FAM193A: variants seen among roughly 807,000 people sequenced by gnomAD.
FAM193A encodes protein FAM193A.
In FAM193A, 22 loss-of-function variants were observed where a neutral mutation model predicts 126.5. The ratio of observed to expected loss-of-function variants is 0.17; its 90% CI spans 0.12 to 0.25. FAM193A has a LOEUF of 0.25. Among genes scored for constraint, FAM193A ranks in the 10% least tolerant of loss-of-function variants. FAM193A has a pLI of 1.00. For synonymous variants in FAM193A, 761 were observed against 646.8 expected, an observed-to-expected ratio of 1.18 and a Z score of -2.68; for missense variants, 1,675 against 1,672.8, an observed-to-expected ratio of 1.00 and a Z score of -0.02.
At chr4:2,639,642 A>C in intron 5 of FAM193A, 93 bp from the exon 6 acceptor site, 2 of 866,490 alleles carry the variant, frequency 2.3e-6, no homozygotes, top group Non-Finnish European at 3.4e-6. Flanking sequence ...TGGTGGGGGG[A>C]AATGGGGAGG....
intron 13 of FAM193A, among the ~76,000 whole-genome samples, chr4:2,682,352 T>C (rs901759742): frequency 6.6e-6 from 1 of 152,106 alleles, no homozygotes; most frequent in African/African-American, 2.4e-5. Flanking sequence ...TTTTTAGAGA[T>C]GGACTCTTGC....
chr4:2,672,240 G>A lies in FAM193A; in HGVS notation c.2199G>A (p.Glu733=). 6.2e-7 allele frequency: 1 copy of A among 1,614,198 alleles called. No homozygotes were observed. Among genetic ancestry groups the A allele is most frequent in the Non-Finnish European group, 8.5e-7 (1 of 1,180,038 alleles). The change falls in exon 13 of 21, where the codon GAG becomes GAA. Residue 733 remains glutamate, a synonymous_variant. Transcript: ENST00000637812. ...LPPGHQFLSP[E]KPTHPALHLY... is the part of the protein sequence containing the mutation. ...CTGGCCATCAGTTCTTGAGCCCAGA[G>A]AAGCCCACACACCCTGCACTGCACC... is the stretch of plus-strand genomic sequence containing the variant.
intron 19 of FAM193A, among the ~76,000 whole-genome samples, chr4:2,707,204 T>C (rs938374633): frequency 6.6e-6 from 1 of 152,224 alleles, no homozygotes; most frequent in East Asian, 1.9e-4. Context: ...TTGATGTCTT[T>C]ATGATATTGA....
chr4:2,670,797 AT>A (rs1330166182), intron 12 of FAM193A, among the ~76,000 whole-genome samples: 2 of 151,870 alleles, frequency 1.3e-5, no homozygotes, highest in Admixed American at 1.3e-4. Context: ...TTGTCTCATA[AT>A]TTTTTGTTGA....
chr4:2,566,461 G>A (rs992542402), intron 1 of FAM193A, among the ~76,000 whole-genome samples: 9 of 152,216 alleles, frequency 5.9e-5, no homozygotes, highest in East Asian at 3.9e-4. Flanking sequence ...AGGATGAGGC[G>A]GACGGATCAC....
chr4:2,619,180 T>C (rs1742387864), intron 2 of FAM193A, among the ~76,000 whole-genome samples: 1 of 152,224 alleles, frequency 6.6e-6, no homozygotes, highest in South Asian at 2.1e-4. Context: ...CATCTTCAGT[T>C]TCTCTTCCCA....
At chr4:2,700,579 G>A (rs1717605487) in intron 19 of FAM193A, 35 bp downstream of exon 19, 18 of 1,580,552 alleles carry the variant, frequency 1.1e-5, no homozygotes, top group East Asian at 2.2e-5. Context: ...ATTTCTGAGC[G>A]ATGCCTGGTT....
At chr4:2,662,791 C>T in intron 10 of FAM193A, 47 bp from the exon 11 acceptor site, 1 of 1,517,934 alleles carries the variant, frequency 6.6e-7, no homozygotes, top group Non-Finnish European at 9.1e-7. Context: ...TACTCATTGT[C>T]TTTCACAATT....
rs781681614 is a variant in FAM193A at position 2,690,714 on chromosome 4, G to A, written c.2547G>A (p.Gly849=). Residue 849 remains glycine, a synonymous_variant, in exon 15 of 21, where the codon GGG becomes GGA. Transcript: ENST00000637812. ...PDTISGSEIL[G]PTLSETRPEA... ...TCTTTGAAGGGAGTGAAATATTAGG[G>A]CCAACACTCTCAGAAACAAGACCGG... The A allele has an allele frequency of 1.9e-6, 3 of 1,613,226 alleles. No individual in the cohort carries two copies. The highest frequency in any genetic ancestry group is 2.2e-5 in the East Asian group (1 of 44,880).
Position 2,659,980 on chromosome 4 carries a change from C to G in FAM193A, c.1671C>G (p.Ser557=). The G allele has an allele frequency of 1.2e-6, 2 of 1,614,102 alleles. No homozygotes were observed. The highest frequency in any genetic ancestry group is 2.2e-5 in the South Asian group (2 of 91,080). The stretch of plus-strand genomic sequence containing the variant: ...GTGTGTCATCTGCAAGCTCGGGGTC[C>G]GGCTCCAGCTCTCCCATCACAATTC... The part of the protein sequence containing the change: ...PPSVSSASSG[S]GSSSPITIQQ... The change falls in exon 10 of 21, where the codon TCC becomes TCG. Residue 557 remains serine (S), a synonymous_variant. Coordinates refer to ENST00000637812, the MANE Select transcript of FAM193A (RefSeq NM_001366318.2).
In FAM193A at chr4:2,695,126, CG is replaced by C; in HGVS notation, c.3276+1del. ...GCTACTGCGAATTCTTTGGGCACGG[CG>C]GGGTGAGTGCATGAGGTCAGCGCAT... Reference protein sequence around the residue: ...CCYCEFFGHGGPPAAPTSRNY... With the variant: ...CCYCEFFGHGXPPAAPTSRNY... On this transcript the variant is annotated frameshift_variant and splice_region_variant, in exon 17 of 21. Transcript: ENST00000637812. LOFTEE classifies it high-confidence loss of function. 1 of 1,594,870 alleles carries C rather than the reference CG, an allele frequency of 6.3e-7. No homozygotes were observed. Among genetic ancestry groups the C allele is most frequent in the Non-Finnish European group, 8.5e-7 (1 of 1,169,924 alleles).
intron 20 of FAM193A, chr4:2,719,956 A>AT (rs758113607): frequency 8.4e-3 from 2,423 of 286,850 alleles, no homozygotes; most frequent in South Asian, 0.015. Context: ...TGCCTGGCTA[A>AT]TTTTTTTTTT....
intron 1 of FAM193A, among the ~76,000 whole-genome samples, chr4:2,590,480 A>AC (rs1560464500): frequency 5.5e-5 from 5 of 90,298 alleles, no homozygotes; most frequent in African/African-American, 3.7e-4. Context: ...AAAAAACAAA[A>AC]AAAAACAAAA....
intron 7 of FAM193A, chr4:2,654,938 T>C (rs941076318): frequency 6.1e-6 from 3 of 491,066 alleles, no homozygotes; most frequent in East Asian, 6.1e-5. Flanking sequence ...CATTAACTCT[T>C]GTAGTTTTTG....
chr4:2,686,752 A>C (rs778593767), intron 13 of FAM193A, among the ~76,000 whole-genome samples: 1 of 152,132 alleles, frequency 6.6e-6, no homozygotes, highest in Non-Finnish European at 1.5e-5. Flanking sequence ...GTCATGGTTT[A>C]CCAGCTGGGC....
intron 11 of FAM193A, 47 bp from the exon 12 acceptor site, chr4:2,663,062 A>G: frequency 6.3e-7 from 1 of 1,599,738 alleles, no homozygotes; most frequent in East Asian, 2.2e-5. Flanking sequence ...AATATTTTAT[A>G]TTACTCTGTT....
chr4:2,682,793 A>AT, intron 13 of FAM193A, among the ~76,000 whole-genome samples: 1 of 151,782 alleles, frequency 6.6e-6, no homozygotes, highest in East Asian at 1.9e-4. Flanking sequence ...ACCCTTCCCT[A>AT]TTCCCTGTGA....
intron 12 of FAM193A, among the ~76,000 whole-genome samples, chr4:2,664,753 C>T (rs972237742): frequency 4.0e-5 from 6 of 151,582 alleles, no homozygotes; most frequent in African/African-American, 1.5e-4. Context: ...TTAGTAGAGA[C>T]GGGGTTTCAC....
rs926341923 is a variant in FAM193A at position 2,546,195 on chromosome 4, T to G, written c.255+9025T>G. Among the ~76,000 whole-genome samples, 10 of 151,504 alleles carry G rather than the reference T, an allele frequency of 6.6e-5. No individual in the cohort carries two copies. In the East Asian group the frequency reaches 1.9e-3, roughly 29 times the overall value. ...TTTGTAAAGATGGGGTCCCACTGTGTTTCCCAAGCTGATCTCAAACTCCTG... is the reference window on the plus strand; with the variant it reads ...TTTGTAAAGATGGGGTCCCACTGTGGTTCCCAAGCTGATCTCAAACTCCTG... On this transcript the variant is annotated intron_variant, in intron 1 of 20. Transcript: ENST00000637812.
Sources: gnomAD v4.1 joint callset for allele counts (sites outside exome capture counted in the v4.1 genomes callset) on GRCh38, gnomAD v4.1.1 for gene constraint, MANE v1.5 for transcripts, NCBI Gene and HGNC (gene_info 2026-07-23, HGNC 2026-07-21) for gene names.